MTUS2: variants seen among roughly 807,000 people sequenced by gnomAD.
MTUS2 encodes the protein microtubule associated scaffold protein 2.
A neutral mutation model predicts 114.1 loss-of-function variants in MTUS2; 40 were observed. The ratio of observed to expected loss-of-function variants is 0.35; its 90% confidence interval spans 0.27 to 0.46. MTUS2 has a LOEUF of 0.46. Ranked by LOEUF, MTUS2 falls within the 20% of genes least tolerant of loss-of-function variation. The pLI is 1.00. For missense variants in MTUS2, 1,679 were observed against 1,705.4 expected (o/e 0.98, Z 0.27); for synonymous variants, 688 against 672.0 (o/e 1.02, Z -0.37).
intron 2 of MTUS2, among the ~76,000 whole-genome samples, chr13:28,972,940 T>C (rs1883920681): frequency 6.6e-6 from 1 of 152,170 alleles, no homozygotes; most frequent in African/African-American, 2.4e-5. Context: ...CCAATAAAAC[T>C]GCTAGTCTGA....
At chr13:29,353,482 A>G (rs1392811407) in intron 7 of MTUS2, among the ~76,000 whole-genome samples, 1 of 151,910 alleles carries the variant, frequency 6.6e-6, no homozygotes, top group Non-Finnish European at 1.5e-5. Flanking sequence ...TGTATTTTTT[A>G]TACAGGTGGG....
intron 8 of MTUS2, among the ~76,000 whole-genome samples, chr13:29,402,406 G>C (rs909359463): frequency 1.2e-4 from 19 of 152,186 alleles, no homozygotes; most frequent in African/African-American, 4.6e-4. Flanking sequence ...CTGAGAAAGA[G>C]AAAGCAGTAA....
At chr13:28,999,017 G>T (rs1236294127) in intron 2 of MTUS2, among the ~76,000 whole-genome samples, 1 of 151,986 alleles carries the variant, frequency 6.6e-6, no homozygotes, top group African/African-American at 2.4e-5. Context: ...CCATCTTTGT[G>T]GTTTTATCTA....
intron 4 of MTUS2, among the ~76,000 whole-genome samples, chr13:29,063,467 C>CTATAAA (rs1888514403): frequency 2.6e-5 from 4 of 152,132 alleles, no homozygotes; most frequent in Non-Finnish European, 5.9e-5. Context: ...CTATAAATAA[C>CTATAAA]CAGAGAAATT....
At chr13:29,351,037 G>C (rs1291959638) in intron 7 of MTUS2, among the ~76,000 whole-genome samples, 2 of 149,706 alleles carry the variant, frequency 1.3e-5, no homozygotes, top group Non-Finnish European at 3.0e-5. Context: ...TACATGAAGG[G>C]GCAATCATTG....
At chr13:29,286,766 C>T (rs1898509819) in intron 6 of MTUS2, among the ~76,000 whole-genome samples, 1 of 151,950 alleles carries the variant, frequency 6.6e-6, no homozygotes, top group Non-Finnish European at 1.5e-5. Flanking sequence ...CCTCAGCTCA[C>T]TGCAACCTCC....
intron 6 of MTUS2, among the ~76,000 whole-genome samples, chr13:29,320,787 A>G (rs1335367792): frequency 6.6e-6 from 1 of 152,234 alleles, no homozygotes; most frequent in Admixed American, 6.5e-5. Flanking sequence ...ATTACTGAAG[A>G]GAATTTTGTA....
intron 7 of MTUS2, among the ~76,000 whole-genome samples, chr13:29,347,030 C>G (rs149056916): frequency 0.021 from 3,015 of 142,244 alleles, no homozygotes; most frequent in Non-Finnish European, 0.034. Context: ...GAGCCCGCAG[C>G]CACAAGCCAC....
Position 28,862,695 on chromosome 13 carries a change from C to T in MTUS2, c.-243+22845C>T, listed in dbSNP as rs138606347. Among the ~76,000 whole-genome samples, 47 of 152,264 alleles carry T rather than the reference C, an allele frequency of 3.1e-4. 2 individuals carry two copies. In the East Asian group the frequency reaches 6.0e-3, roughly 19 times the overall value. On this transcript the variant is annotated intron_variant, in intron 2 of 15. Transcript: ENST00000612955. ...TATTGTAGTGGAAAATTGGAAACATCTTATGTGCTCAGAGATTGGGGTATA... is the reference window on the plus strand; with the variant it reads ...TATTGTAGTGGAAAATTGGAAACATTTTATGTGCTCAGAGATTGGGGTATA...
At chr13:29,443,031 A>C (rs1005952451) in intron 9 of MTUS2, among the ~76,000 whole-genome samples, 2 of 152,166 alleles carry the variant, frequency 1.3e-5, no homozygotes, top group African/African-American at 4.8e-5. Context: ...CTTCTCTATG[A>C]AATAGATGAG....
chr13:29,111,516 T>C (rs1890883283), intron 5 of MTUS2, among the ~76,000 whole-genome samples: 1 of 152,202 alleles, frequency 6.6e-6, no homozygotes, highest in Admixed American at 6.5e-5. Flanking sequence ...GTTGCTTTTA[T>C]CTTAGCAGAA....
chr13:29,330,873 C>T (rs1426655225), intron 7 of MTUS2, among the ~76,000 whole-genome samples: 1 of 152,146 alleles, frequency 6.6e-6, no homozygotes, highest in Non-Finnish European at 1.5e-5. Flanking sequence ...TAGCGTGATG[C>T]CTCCAGCTTT....
At chr13:29,484,958 C>T (rs2388074) in intron 10 of MTUS2, 263 of 152,388 alleles carry the variant, frequency 1.7e-3, no homozygotes, top group African/African-American at 6.0e-3. Flanking sequence ...AGTCGTGTCA[C>T]AGGGAACAGC....
At chr13:28,929,765 G>C (rs895115107) in intron 2 of MTUS2, among the ~76,000 whole-genome samples, 7 of 152,244 alleles carry the variant, frequency 4.6e-5, no homozygotes, top group Middle Eastern at 3.2e-3. Context: ...GGTGTGTGCT[G>C]CCTGCTTGGT....
chr13:29,025,475 C>G lies in MTUS2; in HGVS notation c.777C>G (p.Thr259=), dbSNP rs1395693083. The G allele has an allele frequency of 6.2e-7, 1 of 1,613,402 alleles. No individual in the cohort carries two copies. The highest frequency in any genetic ancestry group is 1.3e-5 in the African/African-American group (1 of 75,030). ...GCAAGCAGAGCACTCCCTCAGAGAC[C>G]CAAACAGTGGGGGCACATGTACTGC... ...SESKQSTPSE[T]QTVGAHVLQV... Residue 259 remains threonine (T), a synonymous_variant, in exon 3 of 16, where the codon ACC becomes ACG. Coordinates refer to ENST00000612955, the MANE Select transcript of MTUS2 (RefSeq NM_001033602.4).
intron 5 of MTUS2, among the ~76,000 whole-genome samples, chr13:29,140,285 A>G (rs1471314267): frequency 6.6e-6 from 1 of 152,194 alleles, no homozygotes; most frequent in East Asian, 1.9e-4. Flanking sequence ...AGAGGTGGAT[A>G]CCCACAGGAT....
chr13:28,911,617 A>G (rs1007419548), intron 2 of MTUS2, among the ~76,000 whole-genome samples: 4 of 152,114 alleles, frequency 2.6e-5, no homozygotes, highest in Non-Finnish European at 5.9e-5. Context: ...CTACACTCCC[A>G]TCTACAGAGT....
At chr13:29,238,996 C>T (rs570817110) in intron 5 of MTUS2, among the ~76,000 whole-genome samples, 3 of 152,092 alleles carry the variant, frequency 2.0e-5, no homozygotes, top group Non-Finnish European at 2.9e-5. Context: ...TACGAAGTTT[C>T]GGTTATGCAG....
chr13:29,226,968 T>C (rs1896129814), intron 5 of MTUS2, among the ~76,000 whole-genome samples: 1 of 152,050 alleles, frequency 6.6e-6, no homozygotes, highest in Non-Finnish European at 1.5e-5. Flanking sequence ...GACTTGAATC[T>C]GCATAGGGGC....
Sources: allele counts gnomAD v4.1 joint callset (sites outside exome capture counted in the v4.1 genomes callset), GRCh38; gene constraint gnomAD v4.1.1; transcripts MANE v1.5; gene names NCBI Gene and HGNC (gene_info 2026-07-23, HGNC 2026-07-21).